HSDL2: variants seen among roughly 807,000 people sequenced by gnomAD.
HSDL2 encodes the protein hydroxysteroid dehydrogenase-like protein 2.
Under a neutral mutation model 46.3 loss-of-function variants are expected in HSDL2, and 27 were observed. The ratio of observed to expected loss-of-function variants is 0.58; its 90% confidence interval spans 0.43 to 0.80. The LOEUF (loss-of-function observed/expected upper bound fraction) is 0.80. Ranked by LOEUF, HSDL2 falls within the 30% of genes least tolerant of loss-of-function variation. HSDL2 has a pLI of 0.00. For synonymous variants in HSDL2, 153 were observed against 163.6 expected (o/e 0.94, Z 0.50); for missense variants, 451 against 502.7 (o/e 0.90, Z 0.98).
Position 112,396,218 on chromosome 9 carries a change from A to G in HSDL2, c.18-7777A>G, listed in dbSNP as rs114981967. On this transcript the variant is annotated intron_variant, in intron 1 of 10. Coordinates refer to ENST00000398805, the MANE Select transcript of HSDL2 (RefSeq NM_032303.5). Reference sequence around the variant, plus strand: ...TATGAGGCTGAATTGTACCCTTTTGACCATCAGGGCTAGTGCAAGGCAAGA... The same window carrying G: ...TATGAGGCTGAATTGTACCCTTTTGGCCATCAGGGCTAGTGCAAGGCAAGA... Among the ~76,000 whole-genome samples, 1,479 of 152,248 alleles carry G rather than the reference A, an allele frequency of 9.7e-3. 27 individuals carry two copies. The highest frequency in any genetic ancestry group is 0.034 in the African/African-American group (1,399 of 41,516).
Position 112,380,663 on chromosome 9 carries a change from AT to A in HSDL2, c.17+492del, listed in dbSNP as rs147238899. On this transcript the variant is annotated intron_variant, in intron 1 of 10. Transcript: ENST00000398805. ...CTTAAAACATGGGTATCTTTGGGGGATTTTTTTTTCACCTTAAAAAATTGTG... is the reference window on the plus strand; with the variant it reads ...CTTAAAACATGGGTATCTTTGGGGGATTTTTTTTCACCTTAAAAAATTGTG... Among the ~76,000 whole-genome samples, 944 of 151,292 alleles carry A rather than the reference AT, an allele frequency of 6.2e-3. 52 individuals carry two copies. In the East Asian group the frequency reaches 0.14, roughly 23 times the overall value.
rs956012968 is a variant in HSDL2, at chr9:112,418,947, G to T, written c.587G>T (p.Trp196Leu). Residue 196 changes from tryptophan to leucine, a missense_variant, in exon 6 of 11, where the codon TGG becomes TTG. Transcript: ENST00000398805. ...FKGEIAVNAL[W>L]PKTAIHTAAM... is the part of the protein sequence containing the mutation. ...GGTGAAATTGCAGTCAATGCATTATGGCCTAAAACAGGTATGTATTTTTAA... is the reference window on the plus strand; with the variant it reads ...GGTGAAATTGCAGTCAATGCATTATTGCCTAAAACAGGTATGTATTTTTAA... 2.3e-5 allele frequency: 37 copies of T among 1,575,664 alleles called. No homozygotes were observed. The highest frequency in any genetic ancestry group is 3.0e-5 in the Non-Finnish European group (35 of 1,148,144).
At chr9:112,404,457 C>T (rs987409017) in intron 2 of HSDL2, among the ~76,000 whole-genome samples, 1 of 151,936 alleles carries the variant, frequency 6.6e-6, no homozygotes, top group Admixed American at 6.6e-5. Context: ...TCACTTGAAC[C>T]TGGGAGGTGG....
intron 4 of HSDL2, among the ~76,000 whole-genome samples, chr9:112,413,504 G>T (rs200313101): frequency 0.013 from 607 of 45,588 alleles, 2 homozygotes; most frequent in African/African-American, 0.038. Flanking sequence ...AGAAAAAAAA[G>T]AAAAGAAAAG....
chr9:112,388,126 T>G (rs968179576), intron 1 of HSDL2, among the ~76,000 whole-genome samples: 1 of 151,484 alleles, frequency 6.6e-6, no homozygotes, highest in Non-Finnish European at 1.5e-5. Context: ...ACCACTGTAC[T>G]TCAGCCTGGG....
At chr9:112,460,638 T>A (rs1488655300) in intron 10 of HSDL2, among the ~76,000 whole-genome samples, 1 of 152,074 alleles carries the variant, frequency 6.6e-6, no homozygotes, top group African/African-American at 2.4e-5. Context: ...AGTCCCCAGC[T>A]ACTCCAGTTA....
At chr9:112,405,158 C>T (rs1831696142) in intron 2 of HSDL2, among the ~76,000 whole-genome samples, 1 of 152,162 alleles carries the variant, frequency 6.6e-6, no homozygotes, top group Non-Finnish European at 1.5e-5. Flanking sequence ...GCGAGACCAG[C>T]CTGACCAACA....
At chr9:112,426,931 T>C (rs1474764176) in intron 6 of HSDL2, among the ~76,000 whole-genome samples, 1 of 152,192 alleles carries the variant, frequency 6.6e-6, no homozygotes, top group Non-Finnish European at 1.5e-5. Context: ...CATCACGTAC[T>C]ATTCCGCTTC....
At chr9:112,458,777 C>T (rs1444792479) in intron 9 of HSDL2, among the ~76,000 whole-genome samples, 3 of 151,604 alleles carry the variant, frequency 2.0e-5, no homozygotes, top group Admixed American at 6.6e-5. Flanking sequence ...GTCAGGAGAT[C>T]GAGACCATCC....
intron 9 of HSDL2, among the ~76,000 whole-genome samples, chr9:112,454,420 T>A (rs1161135235): frequency 3.3e-5 from 5 of 152,176 alleles, no homozygotes; most frequent in Non-Finnish European, 7.3e-5. Context: ...CTTGACCTCC[T>A]GGACTCAAGT....
In HSDL2 at chr9:112,471,199, AG is replaced by A. The variant is rs1382185277; in HGVS notation, c.*657del. 1 of 152,252 alleles carries A rather than the reference AG, an allele frequency of 6.6e-6. No homozygotes were observed. Among genetic ancestry groups the A allele is most frequent in the Non-Finnish European group, 1.5e-5 (1 of 68,054 alleles). 9.4% of individuals were successfully genotyped at this position (152,252 alleles called of 1,614,324 possible). On this transcript the variant is annotated 3_prime_UTR_variant, in exon 11 of 11. Coordinates refer to ENST00000398805, the MANE Select transcript of HSDL2 (RefSeq NM_032303.5). The stretch of plus-strand genomic sequence containing the variant: ...CCTAAAACAAAATAATTTTCTCCCT[AG>A]GAGTATGCATTTGGCTACAGTGTTT...
intron 9 of HSDL2, among the ~76,000 whole-genome samples, chr9:112,456,453 C>G (rs1833027107): frequency 6.6e-6 from 1 of 152,126 alleles, no homozygotes; most frequent in African/African-American, 2.4e-5. Context: ...TGCTCCTTCC[C>G]CAGTCCTTCA....
At chr9:112,413,479 C>T (rs1831923158) in intron 4 of HSDL2, among the ~76,000 whole-genome samples, 1 of 133,492 alleles carries the variant, frequency 7.5e-6, no homozygotes, top group South Asian at 2.7e-4. Flanking sequence ...GTGCGAAATT[C>T]CCTCTCAAAA....
intron 1 of HSDL2, among the ~76,000 whole-genome samples, chr9:112,397,057 T>C (rs945830886): frequency 1.3e-4 from 20 of 152,188 alleles, no homozygotes; most frequent in African/African-American, 4.8e-4. Flanking sequence ...TTTGCCTTTA[T>C]GACAACAAGG....
chr9:112,460,565 A>G (rs1243037937), intron 10 of HSDL2, among the ~76,000 whole-genome samples: 3 of 152,214 alleles, frequency 2.0e-5, no homozygotes, highest in Non-Finnish European at 2.9e-5. Context: ...CCTGGGCAAC[A>G]TGGGGAAACC....
chr9:112,440,487 C>CT (rs1641427022), intron 7 of HSDL2, among the ~76,000 whole-genome samples: 2 of 152,206 alleles, frequency 1.3e-5, no homozygotes, highest in South Asian at 4.1e-4. Context: ...GCTTTGTGGC[C>CT]TTTAAATCTT....
At chr9:112,388,002 T>TA (rs1364297710) in intron 1 of HSDL2, among the ~76,000 whole-genome samples, 6 of 151,386 alleles carry the variant, frequency 4.0e-5, no homozygotes, top group Non-Finnish European at 8.8e-5. Flanking sequence ...CCACAAAAAA[T>TA]AAAAAAATTA....
At position 112,438,491 on chromosome 9, in the gene HSDL2, A is replaced by G. The variant is rs764465146; in HGVS notation, c.659A>G (p.Lys220Arg). The G allele has an allele frequency of 6.2e-7, 1 of 1,611,976 alleles. No individual in the cohort carries two copies. Among genetic ancestry groups the G allele is most frequent in the Non-Finnish European group, 8.5e-7 (1 of 1,179,268 alleles). Residue 220 changes from lysine (K) to arginine (R), a missense_variant, in exon 7 of 11, where the codon AAA (lysine) becomes AGA (arginine). Lys to Arg is a conservative substitution (Grantham distance 26). Coordinates refer to ENST00000398805, the MANE Select transcript of HSDL2 (RefSeq NM_032303.5). ...CCTGGTATCGAAAGCCAGTGTAGAA[A>G]AGTTGATATCATTGCAGATGCAGCA... is the stretch of plus-strand genomic sequence containing the variant. ...GGPGIESQCR[K>R]VDIIADAAYS...
Position 112,470,736 on chromosome 9 carries a change from T to C in HSDL2, c.*192T>C, listed in dbSNP as rs1587977546. 3.9e-5 allele frequency: 18 copies of C among 456,542 alleles called. No individual in the cohort carries two copies. In the East Asian group the frequency reaches 6.8e-4, roughly 17 times the overall value. 28.3% of individuals were successfully genotyped at this position (456,542 alleles called of 1,614,324 possible). ...GCAAGCTAATCAAACATAAGCTTCA[T>C]TAAGTGGGATTCTAAGACAGTCTGT... is the stretch of plus-strand genomic sequence containing the variant. On this transcript the variant is annotated 3_prime_UTR_variant, in exon 11 of 11. Transcript: ENST00000398805.
Sources: allele counts gnomAD v4.1 joint callset (sites outside exome capture counted in the v4.1 genomes callset), GRCh38; gene constraint gnomAD v4.1.1; transcripts MANE v1.5; gene names NCBI Gene and HGNC (gene_info 2026-07-23, HGNC 2026-07-21).